Variants in AGBL1 observed in about 807,000 individuals in gnomAD.
AGBL1 encodes cytosolic carboxypeptidase 4.
AGBL1 carries 130 observed loss-of-function variants against 118.9 expected under a neutral mutation model. The ratio of observed to expected loss-of-function variants is 1.09; its 90% CI spans 0.95 to 1.26. AGBL1 has a LOEUF of 1.26. Ranked by LOEUF, AGBL1 falls within the 50% of genes most tolerant of loss-of-function variation. The pLI is 0.00. For missense variants in AGBL1, 1,584 were observed against 1,298.1 expected (o/e 1.22, Z -3.38); for synonymous variants, 555 against 478.9 (o/e 1.16, Z -2.08).
intron 22 of AGBL1, among the ~76,000 whole-genome samples, chr15:86,719,537 C>A (rs1313109448): frequency 6.6e-6 from 1 of 152,098 alleles, no homozygotes; most frequent in Non-Finnish European, 1.5e-5. Context: ...CCAGTAAAAC[C>A]AGACTCCATC....
At chr15:86,496,981 C>A (rs1001889337) in intron 18 of AGBL1, among the ~76,000 whole-genome samples, 1 of 151,954 alleles carries the variant, frequency 6.6e-6, no homozygotes, top group African/African-American at 2.4e-5. Flanking sequence ...GAAATGACTA[C>A]CACAATCTAA....
intron 17 of AGBL1, among the ~76,000 whole-genome samples, chr15:86,327,685 G>T (rs1404829661): frequency 6.6e-6 from 1 of 152,152 alleles, no homozygotes; most frequent in African/African-American, 2.4e-5. Context: ...GTGAGTCATA[G>T]GAAATTCAGC....
At chr15:86,943,045 C>A (rs935993975) in intron 23 of AGBL1, among the ~76,000 whole-genome samples, 1 of 152,148 alleles carries the variant, frequency 6.6e-6, no homozygotes, top group African/African-American at 2.4e-5. Context: ...GTTTTTGTAA[C>A]GTCATTACCC....
chr15:86,147,075 A>G (rs1020446541), intron 3 of AGBL1, among the ~76,000 whole-genome samples: 1 of 152,160 alleles, frequency 6.6e-6, no homozygotes, highest in African/African-American at 2.4e-5. Context: ...AATGAGGACT[A>G]TTTGTAACAC....
chr15:86,383,568 C>A (rs76974670), intron 17 of AGBL1, among the ~76,000 whole-genome samples: 5 of 152,038 alleles, frequency 3.3e-5, no homozygotes, highest in African/African-American at 9.7e-5. Flanking sequence ...GCCTGGGCAA[C>A]GGAGTGAGAC....
chr15:86,315,920 C>G (rs979016270), intron 17 of AGBL1, among the ~76,000 whole-genome samples: 1 of 152,112 alleles, frequency 6.6e-6, no homozygotes, highest in Non-Finnish European at 1.5e-5. Context: ...GAGGAAATAG[C>G]AAGCATTACA....
At chr15:86,526,289 A>T (rs1036633256) in intron 19 of AGBL1, among the ~76,000 whole-genome samples, 1 of 152,118 alleles carries the variant, frequency 6.6e-6, no homozygotes, top group Non-Finnish European at 1.5e-5. Context: ...TACAACCTCT[A>T]TGAAAAACAG....
chr15:86,815,713 A>G (rs2078848903), intron 22 of AGBL1, among the ~76,000 whole-genome samples: 1 of 149,320 alleles, frequency 6.7e-6, no homozygotes, highest in Admixed American at 6.7e-5. Flanking sequence ...TTTCTGATAT[A>G]TTTAGAGAGA....
At chr15:86,475,278 G>A (rs927035364) in intron 18 of AGBL1, among the ~76,000 whole-genome samples, 4 of 152,172 alleles carry the variant, frequency 2.6e-5, no homozygotes, top group Non-Finnish European at 5.9e-5. Context: ...ACTTCTCCAA[G>A]CTAAAGAAGG....
chr15:86,783,217 T>C (rs1430469247), intron 22 of AGBL1, among the ~76,000 whole-genome samples: 1 of 152,244 alleles, frequency 6.6e-6, no homozygotes, highest in Non-Finnish European at 1.5e-5. Context: ...TTAATCCATT[T>C]AGATGCATGT....
intron 6 of AGBL1, among the ~76,000 whole-genome samples, chr15:86,234,803 C>A (rs1482550413): frequency 6.6e-6 from 1 of 152,136 alleles, no homozygotes; most frequent in Non-Finnish European, 1.5e-5. Context: ...TGGTACATCT[C>A]AATAAAGATG....
intron 6 of AGBL1, among the ~76,000 whole-genome samples, chr15:86,237,990 G>T (rs542291760): frequency 1.7e-4 from 26 of 152,262 alleles, no homozygotes; most frequent in African/African-American, 5.5e-4. Context: ...TGCCCTTGAG[G>T]TTTGAAGAAT....
Position 86,403,954 on chromosome 15 carries a change from G to A in AGBL1, c.2555+6408G>A, listed in dbSNP as rs144888733. 6.8e-3 allele frequency among the ~76,000 whole-genome samples: 1,036 copies of A among 152,230 alleles called. 12 individuals are homozygous for A. The highest frequency in any genetic ancestry group is 0.024 in the African/African-American group (986 of 41,524). The stretch of plus-strand genomic sequence containing the variant: ...TACATAGCTAGTTCAACATGGAACT[G>A]GCATAAGAAATTGTCTAGATATTGA... On this transcript the variant is annotated intron_variant, in intron 18 of 22. Coordinates refer to ENST00000614907, the MANE Select transcript of AGBL1 (RefSeq NM_001386094.1).
At position 86,413,415 on chromosome 15, in the gene AGBL1, G is replaced by A. The variant is rs541345817; in HGVS notation, c.2555+15869G>A. ...TAAGACAGATAACGCAGGATTGAGTGGTAGTTCTATTTTTAGTTCTTTGTG... is the reference window on the plus strand; with the variant it reads ...TAAGACAGATAACGCAGGATTGAGTAGTAGTTCTATTTTTAGTTCTTTGTG... On this transcript the variant is annotated intron_variant, in intron 18 of 22. Transcript: ENST00000614907. Among the ~76,000 whole-genome samples the A allele has an allele frequency of 5.3e-5, 8 of 152,242 alleles. No homozygotes were observed. The South Asian group carries it at 1.7e-3, about 32-fold the overall frequency.
At chr15:86,619,354 CT>C (rs753123544) in intron 21 of AGBL1, among the ~76,000 whole-genome samples, 1 of 152,204 alleles carries the variant, frequency 6.6e-6, no homozygotes, top group East Asian at 1.9e-4. Context: ...AGATCTACCC[CT>C]GACTTCCACT....
intron 21 of AGBL1, among the ~76,000 whole-genome samples, chr15:86,586,794 C>A (rs558609808): frequency 6.6e-6 from 1 of 151,972 alleles, no homozygotes; most frequent in Non-Finnish European, 1.5e-5. Flanking sequence ...TTATTTGGCA[C>A]TTGGTTGAAA....
chr15:86,812,360 C>G (rs2078801252), intron 22 of AGBL1, among the ~76,000 whole-genome samples: 1 of 152,114 alleles, frequency 6.6e-6, no homozygotes. Context: ...GAAGAATTTA[C>G]AAAGAATACA....
intron 24 of AGBL1, among the ~76,000 whole-genome samples, chr15:87,028,586 A>T (rs1021624289): frequency 6.6e-6 from 1 of 151,980 alleles, no homozygotes; most frequent in Non-Finnish European, 1.5e-5. Flanking sequence ...GGTCCTATTC[A>T]GTGCAATGGG....
At chr15:86,146,697 A>G (rs2077038171) in intron 3 of AGBL1, among the ~76,000 whole-genome samples, 1 of 152,176 alleles carries the variant, frequency 6.6e-6, no homozygotes. Flanking sequence ...TCTGCCATCA[A>G]GGGGTTATAG....
Sources: gnomAD v4.1 joint callset for allele counts (sites outside exome capture counted in the v4.1 genomes callset) on GRCh38, gnomAD v4.1.1 for gene constraint, MANE v1.5 for transcripts, NCBI Gene and HGNC (gene_info 2026-07-23, HGNC 2026-07-21) for gene names.